The following KANK1 variants were observed in gnomAD, a reference collection of about 807,000 sequenced individuals.
The protein encoded by KANK1 is KN motif and ankyrin repeat domains 1.
In KANK1, 109 loss-of-function variants were observed where a neutral mutation model predicts 106.2. The ratio of observed to expected loss-of-function variants is 1.03; its 90% CI spans 0.88 to 1.20. KANK1 has a LOEUF of 1.20. KANK1 is among the 50% of genes most tolerant of loss of function. The pLI is 0.00. For missense variants in KANK1, 2,399 were observed against 1,710.7 expected (o/e 1.40, Z -7.10); for synonymous variants, 873 against 652.2 (o/e 1.34, Z -5.16).
In KANK1 at chr9:602,253, A is replaced by ATTTAT. The variant is rs771542263; in HGVS notation, c.-83-74618_-83-74614dup. Reference sequence around the variant, plus strand: ...CTCATTTTTAGCCCATTCCATTTTTATTTATTTTATTTTATTTTATTTTTT... The same window carrying ATTTAT: ...CTCATTTTTAGCCCATTCCATTTTTATTTATTTTATTTTATTTTATTTTATTTTTT... On this transcript the variant is annotated intron_variant, in intron 1 of 11. Transcript: ENST00000382297. Among the ~76,000 whole-genome samples the ATTTAT allele has an allele frequency of 5.3e-5, 8 of 151,444 alleles. 1 individual carries two copies. The East Asian group carries it at 5.8e-4, about 11-fold the overall frequency.
chr9:554,583 A>T (rs945459223), intron 1 of KANK1, among the ~76,000 whole-genome samples: 97 of 152,364 alleles, frequency 6.4e-4, no homozygotes, highest in African/African-American at 2.3e-3. Flanking sequence ...TTATTTCTAA[A>T]CAGAACTAAC....
chr9:742,391 C>A lies in KANK1; in HGVS notation c.3883C>A (p.His1295Asn), dbSNP rs779698187. The A allele has an allele frequency of 6.2e-7, 1 of 1,613,262 alleles. No individual in the cohort carries two copies. The highest frequency in any genetic ancestry group is 1.7e-5 in the Admixed American group (1 of 59,970). ...GCTGGCCCAGCCCGGCTGCAACGGT[C>A]ACCTAGAGGACAACGTAAGCTGTCT... is the stretch of plus-strand genomic sequence containing the variant. ...LLLAQPGCNG[H>N]LEDNDGSTAL... Residue 1295 changes from histidine (H) to asparagine (N), a missense_variant, in exon 10 of 12, where the codon CAC becomes AAC. Physicochemically the swap from His to Asn is moderately conservative, Grantham distance 68. Coordinates refer to ENST00000382297, the MANE Select transcript of KANK1 (RefSeq NM_015158.5).
chr9:522,141 CCA>C (rs2059582763), intron 1 of KANK1, among the ~76,000 whole-genome samples: 1 of 151,584 alleles, frequency 6.6e-6, no homozygotes, highest in South Asian at 2.1e-4. Flanking sequence ...AATTTATATC[CCA>C]CTGTTAAAAA....
chr9:519,364 T>C (rs1033347999), intron 1 of KANK1, among the ~76,000 whole-genome samples: 1 of 151,798 alleles, frequency 6.6e-6, no homozygotes, highest in Non-Finnish European at 1.5e-5. Context: ...GTGTTGAATA[T>C]TTTTCCTTCA....
intron 1 of KANK1, among the ~76,000 whole-genome samples, chr9:578,253 TTC>T (rs1300848282): frequency 6.6e-6 from 1 of 152,204 alleles, no homozygotes; most frequent in Non-Finnish European, 1.5e-5. Context: ...GGAAACATTC[TTC>T]TTGCTTTATA....
chr9:500,589 A>C (rs2058533015), upstream of KANK1, among the ~76,000 whole-genome samples: 1 of 152,344 alleles, frequency 6.6e-6, no homozygotes, highest in African/African-American at 2.4e-5. Context: ...GTTTGCTCCA[A>C]ATTGGAAACT....
At chr9:621,527 T>C (rs1184413415) in intron 1 of KANK1, among the ~76,000 whole-genome samples, 2 of 152,180 alleles carry the variant, frequency 1.3e-5, no homozygotes, top group Non-Finnish European at 2.9e-5. Context: ...ACCCCAGTAA[T>C]TTTGTATTGG....
intron 1 of KANK1, among the ~76,000 whole-genome samples, chr9:529,311 A>G (rs2059953805): frequency 6.7e-6 from 1 of 148,868 alleles, no homozygotes; most frequent in East Asian, 2.0e-4. Context: ...TTTTTTTGAG[A>G]CGGAGTCTTG....
chr9:562,066 G>C (rs892498535), intron 1 of KANK1, among the ~76,000 whole-genome samples: 1 of 39,538 alleles, frequency 2.5e-5, no homozygotes, highest in African/African-American at 5.2e-5. Flanking sequence ...TTTTTTTTGA[G>C]ACGGAGTCTC....
intron 1 of KANK1, among the ~76,000 whole-genome samples, chr9:529,258 T>TAC (rs1010825051): frequency 4.0e-5 from 6 of 149,108 alleles, no homozygotes; most frequent in East Asian, 3.9e-4. Flanking sequence ...CACACACATA[T>TAC]ACACACACAC....
rs867613057 is a variant in KANK1, at chr9:711,064, A to G, written c.298A>G (p.Asn100Asp). 1 of 1,613,668 alleles carries G rather than the reference A, an allele frequency of 6.2e-7. No homozygotes were observed. The highest frequency in any genetic ancestry group is 1.7e-4 in the Middle Eastern group (1 of 6,058). Residue 100 changes from asparagine to aspartate, a missense_variant, in exon 3 of 12, where the codon AAC (asparagine) becomes GAC (aspartate). Asn to Asp is a conservative substitution (Grantham distance 23, BLOSUM62 1). Coordinates refer to ENST00000382297, the MANE Select transcript of KANK1 (RefSeq NM_015158.5). ...ESLSSSNSDD[N>D]KQCPNFLIAR... ...CCTCTCATCCTCCAACAGTGATGAC[A>G]ACAAGCAGTGCCCCAACTTCCTCAT...
chr9:605,574 T>G (rs780230571), intron 1 of KANK1, among the ~76,000 whole-genome samples: 17 of 151,730 alleles, frequency 1.1e-4, no homozygotes, highest in Non-Finnish European at 2.1e-4. Flanking sequence ...GCGTTAAACA[T>G]GAGGCAGCTG....
rs572478304 is a variant in KANK1 at position 494,876 on chromosome 9, T to C, written c.-362+21603T>C. 8.4e-4 allele frequency among the ~76,000 whole-genome samples: 127 copies of C among 152,076 alleles called. 2 individuals are homozygous for C. Among genetic ancestry groups the C allele is most frequent in the South Asian group, 2.7e-3 (13 of 4,824 alleles). ...GCTGGGCAGTGTAGTGAAAGTTAAA[T>C]AGATCAGCTCTCTTAGATACATAAA... is the stretch of plus-strand genomic sequence containing the variant. On this transcript the variant is annotated intron_variant, in intron 3 of 15. Coordinates refer to the KANK1 transcript ENST00000382303.
intron 1 of KANK1, among the ~76,000 whole-genome samples, chr9:620,526 C>T (rs1417136687): frequency 3.3e-5 from 5 of 151,952 alleles, no homozygotes; most frequent in South Asian, 4.2e-4. Context: ...CCTCTGCCTC[C>T]TGAGTAGCTG....
chr9:583,694 A>T (rs1475230777), intron 1 of KANK1, among the ~76,000 whole-genome samples: 1 of 150,202 alleles, frequency 6.7e-6, no homozygotes, highest in Non-Finnish European at 1.5e-5. Context: ...ATATAAATAT[A>T]TAAATCCATT....
intron 1 of KANK1, among the ~76,000 whole-genome samples, chr9:542,654 G>A (rs192763829): frequency 6.6e-6 from 1 of 152,324 alleles, no homozygotes; most frequent in East Asian, 1.9e-4. Flanking sequence ...GACAGTGGAA[G>A]TGTTCATCAG....
At chr9:729,679 A>G (rs1469322159) in intron 3 of KANK1, among the ~76,000 whole-genome samples, 1 of 152,196 alleles carries the variant, frequency 6.6e-6, no homozygotes, top group East Asian at 1.9e-4. Context: ...AGGCGTTGTC[A>G]CATTTTGTTT....
intron 1 of KANK1, among the ~76,000 whole-genome samples, chr9:628,258 C>T (rs1834831917): frequency 1.3e-5 from 2 of 152,136 alleles, no homozygotes; most frequent in African/African-American, 4.8e-5. Flanking sequence ...ATTGACTCTG[C>T]CTGTCTCCAG....
intron 3 of KANK1, among the ~76,000 whole-genome samples, chr9:492,536 G>A (rs1026554228): frequency 2.4e-4 from 36 of 152,248 alleles, no homozygotes; most frequent in Non-Finnish European, 4.4e-4. Context: ...CAACTGTGAG[G>A]CTGTCTGTGA....
Sources: allele counts gnomAD v4.1 joint callset (sites outside exome capture counted in the v4.1 genomes callset), GRCh38; gene constraint gnomAD v4.1.1; transcripts MANE v1.5; gene names NCBI Gene and HGNC (gene_info 2026-07-23, HGNC 2026-07-21).